The following IL19 variants were observed in gnomAD, a reference collection of about 807,000 sequenced individuals.
IL19 encodes interleukin-19.
A neutral mutation model predicts 19.5 loss-of-function variants in IL19; 15 were observed. The ratio of observed to expected loss-of-function variants is 0.77; its 90% CI spans 0.52 to 1.19. The LOEUF (loss-of-function observed/expected upper bound fraction) is 1.19, where lower values mean the gene tolerates loss of function less well. Among genes scored for constraint, IL19 ranks in the 50% most tolerant of loss-of-function variants. IL19 has a pLI of 0.00. For missense variants in IL19, 199 were observed against 213.1 expected (o/e 0.93, Z 0.41); for synonymous variants, 78 against 78.3 (o/e 1.00, Z 0.02).
chr1:206,832,307 A>G (rs989392041), intron 2 of IL19, among the ~76,000 whole-genome samples: 5 of 152,184 alleles, frequency 3.3e-5, no homozygotes, highest in Non-Finnish European at 7.4e-5. Context: ...TCAAATCCTC[A>G]CAGTTTTATT....
At chr1:206,827,150 A>G (rs951916654) in intron 2 of IL19, among the ~76,000 whole-genome samples, 2 of 152,230 alleles carry the variant, frequency 1.3e-5, no homozygotes, top group Non-Finnish European at 2.9e-5. Flanking sequence ...AGCAAAGGAC[A>G]GACTGAATAT....
At chr1:206,838,699 A>C (rs1223076842) in intron 4 of IL19, among the ~76,000 whole-genome samples, 2 of 152,004 alleles carry the variant, frequency 1.3e-5, no homozygotes, top group African/African-American at 4.8e-5. Flanking sequence ...GTGGAATAAG[A>C]AAAGGAGTCA....
intron 1 of IL19, among the ~76,000 whole-genome samples, chr1:206,785,354 C>T (rs1336509621): frequency 2.0e-5 from 3 of 152,216 alleles, no homozygotes; most frequent in African/African-American, 2.4e-5. Context: ...CTTCCTTAAC[C>T]GTGCTTGTGA....
chr1:206,839,832 C>T lies in IL19; in HGVS notation c.211-18C>T, dbSNP rs11802960. On this transcript the variant is annotated intron_variant, in intron 4 of 6. Coordinates refer to ENST00000659997, the MANE Select transcript of IL19 (RefSeq NM_153758.5). The stretch of plus-strand genomic sequence containing the variant: ...TGAGAGAAGAGGCCTCTAGTGTTTC[C>T]CTAATTTGTGTTTGTAGCCCTTAGA... The T allele has an allele frequency of 2.3e-3, 3,719 of 1,599,150 alleles. 52 individuals carry two copies. In the African/African-American group the frequency reaches 0.038, roughly 16 times the overall value.
At chr1:206,825,021 G>C (rs1278719787) in intron 2 of IL19, among the ~76,000 whole-genome samples, 1 of 152,202 alleles carries the variant, frequency 6.6e-6, no homozygotes, top group Non-Finnish European at 1.5e-5. Flanking sequence ...CTCCCAAAGT[G>C]CTGGGATTAT....
intron 1 of IL19, chr1:206,771,379 C>T (rs1194370056): frequency 6.2e-7 from 1 of 1,613,708 alleles, no homozygotes; most frequent in Non-Finnish European, 8.5e-7. Flanking sequence ...AGCAAGGACT[C>T]CTTTAACAAC....
chr1:206,837,161 A>T, intron 4 of IL19, 138 bp downstream of exon 4: 2 of 698,994 alleles, frequency 2.9e-6, no homozygotes, highest in Non-Finnish European at 4.8e-6. Flanking sequence ...CTTCTTTGTC[A>T]GATGATGTGT....
intron 1 of IL19, among the ~76,000 whole-genome samples, chr1:206,786,417 G>C (rs972982514): frequency 3.3e-5 from 5 of 152,262 alleles, no homozygotes; most frequent in African/African-American, 1.2e-4. Context: ...TGGTGCAAGT[G>C]GAGGGAGAGT....
At chr1:206,784,512 C>T (rs1250273560) in intron 1 of IL19, among the ~76,000 whole-genome samples, 1 of 152,216 alleles carries the variant, frequency 6.6e-6, no homozygotes, top group African/African-American at 2.4e-5. Context: ...TGCGTGTGTT[C>T]ACCTGTATTT....
At chr1:206,814,656 T>C (rs1336972957) in intron 2 of IL19, among the ~76,000 whole-genome samples, 1 of 150,642 alleles carries the variant, frequency 6.6e-6, no homozygotes, top group Non-Finnish European at 1.5e-5. Flanking sequence ...ACTGTGCCAC[T>C]GCACTCCAGC....
At chr1:206,837,065 T>C (rs1676821094) in intron 4 of IL19, 42 bp downstream of exon 4, 5 of 1,482,890 alleles carry the variant, frequency 3.4e-6, no homozygotes, top group Non-Finnish European at 3.8e-6. Context: ...TTTATCTTCA[T>C]GTCTAAATGG....
intron 5 of IL19, 127 bp downstream of exon 5, chr1:206,840,129 A>G (rs1483236253): frequency 9.5e-7 from 1 of 1,055,890 alleles, no homozygotes. Context: ...GCGCACGTCC[A>G]CAGGGAGAAC....
intron 6 of IL19, among the ~76,000 whole-genome samples, chr1:206,842,164 T>C (rs1012375608): frequency 6.6e-6 from 1 of 152,090 alleles, no homozygotes; most frequent in Non-Finnish European, 1.5e-5. Flanking sequence ...ACAAAGATGT[T>C]CTGGGATAAC....
At position 206,835,988 on chromosome 1, in the gene IL19, C is replaced by T. The variant is rs796824331; in HGVS notation, c.-2-673C>T. 3.3e-5 allele frequency among the ~76,000 whole-genome samples: 5 copies of T among 152,376 alleles called. 1 individual carries two copies. Among genetic ancestry groups the T allele is most frequent in the African/African-American group, 9.6e-5 (4 of 41,602 alleles). On this transcript the variant is annotated intron_variant, in intron 2 of 6. Coordinates refer to ENST00000659997, the MANE Select transcript of IL19 (RefSeq NM_153758.5). ...AGCAGCTAGCTGCAAACATGCCCCT[C>T]ATACCCTTTGGCTCAGCAGGTGACC...
At chr1:206,822,160 T>G (rs1676305576) in intron 2 of IL19, among the ~76,000 whole-genome samples, 1 of 152,048 alleles carries the variant, frequency 6.6e-6, no homozygotes, top group South Asian at 2.1e-4. Flanking sequence ...CAAGATGCCC[T>G]CGAGAGAATG....
chr1:206,820,843 C>T (rs1247200149), intron 2 of IL19, among the ~76,000 whole-genome samples: 1 of 152,172 alleles, frequency 6.6e-6, no homozygotes, highest in Non-Finnish European at 1.5e-5. Flanking sequence ...CCCATATTGA[C>T]CAACATGTGT....
rs533351112 is a variant in IL19, at chr1:206,789,429, C to T, written c.-148-9432C>T. Reference sequence around the variant, plus strand: ...CTTAGCTCCCACTTGTAAGTGAGAACATGGGTGTTTGGTTTTTGATTCCTG... The same window carrying T: ...CTTAGCTCCCACTTGTAAGTGAGAATATGGGTGTTTGGTTTTTGATTCCTG... On this transcript the variant is annotated intron_variant, in intron 1 of 6. Transcript: ENST00000659997. Among the ~76,000 whole-genome samples, 10 of 152,282 alleles carry T rather than the reference C, an allele frequency of 6.6e-5. No homozygotes were observed. In the South Asian group the frequency reaches 1.9e-3, roughly 28 times the overall value.
Position 206,830,867 on chromosome 1 carries a change from G to A in IL19, c.-2-5794G>A, listed in dbSNP as rs989060128. On this transcript the variant is annotated intron_variant, in intron 2 of 6. Transcript: ENST00000659997. ...GCTGGGATTACAGGCGTGAGCCACC[G>A]CTCCTGGCCTACGTTTCTTTTTTTA... Among the ~76,000 whole-genome samples the A allele has an allele frequency of 2.6e-5, 4 of 152,148 alleles. No homozygotes were observed. In the South Asian group the frequency reaches 8.3e-4, roughly 32 times the overall value.
intron 2 of IL19, among the ~76,000 whole-genome samples, chr1:206,827,645 C>T (rs1389633798): frequency 2.6e-5 from 4 of 151,036 alleles, no homozygotes; most frequent in Admixed American, 1.3e-4. Flanking sequence ...GAGCCGAGAT[C>T]GTGCCACTGC....
Sources: gnomAD v4.1 joint callset for allele counts (sites outside exome capture counted in the v4.1 genomes callset) on GRCh38, gnomAD v4.1.1 for gene constraint, MANE v1.5 for transcripts, NCBI Gene and HGNC (gene_info 2026-07-23, HGNC 2026-07-21) for gene names.